The following CA10 variants were observed in gnomAD, a reference collection of about 807,000 sequenced individuals.
CA10 encodes carbonic anhydrase 10 (inactive).
A neutral mutation model predicts 44.2 loss-of-function variants in CA10; 14 were observed. The ratio of observed to expected loss-of-function variants is 0.32; its 90% confidence interval spans 0.21 to 0.50. The LOEUF (loss-of-function observed/expected upper bound fraction) is 0.50, where lower values mean the gene tolerates loss of function less well. CA10 is among the 20% of genes least tolerant of loss of function. The probability of loss-of-function intolerance (pLI) is 0.99; values close to 1 mark genes in which losing one functional copy is unlikely to be tolerated. For missense variants in CA10, 350 were observed against 409.7 expected, an observed-to-expected ratio of 0.85 and a Z score of 1.26; for synonymous variants, 159 against 141.6, an observed-to-expected ratio of 1.12 and a Z score of -0.87.
At chr17:52,141,104 G>T (rs968743487) in intron 1 of CA10, among the ~76,000 whole-genome samples, 2 of 152,156 alleles carry the variant, frequency 1.3e-5, no homozygotes, top group African/African-American at 4.8e-5. Flanking sequence ...TACTCAGAAA[G>T]CTTGCTCCTT....
intron 1 of CA10, among the ~76,000 whole-genome samples, chr17:52,103,850 C>T (rs893275759): frequency 6.6e-6 from 1 of 152,188 alleles, no homozygotes; most frequent in Non-Finnish European, 1.5e-5. Flanking sequence ...GATGACATGA[C>T]TTCACACTGG....
chr17:51,897,117 T>C (rs1288882406), intron 3 of CA10, among the ~76,000 whole-genome samples: 1 of 152,158 alleles, frequency 6.6e-6, no homozygotes, highest in African/African-American at 2.4e-5. Flanking sequence ...CAATTACTTT[T>C]AGTGTTTTCA....
intron 3 of CA10, among the ~76,000 whole-genome samples, chr17:51,899,960 G>A (rs2143928390): frequency 6.9e-6 from 1 of 145,900 alleles, no homozygotes; most frequent in African/African-American, 2.7e-5. Flanking sequence ...CTTGAAGATA[G>A]CATATAGTTG....
intron 1 of CA10, among the ~76,000 whole-genome samples, chr17:52,140,586 A>G (rs1989456795): frequency 6.6e-6 from 1 of 152,220 alleles, no homozygotes. Context: ...GGGCCTTACA[A>G]AGACAAGGCA....
At chr17:51,850,075 G>A (rs938372174) in intron 3 of CA10, among the ~76,000 whole-genome samples, 2 of 152,190 alleles carry the variant, frequency 1.3e-5, no homozygotes, top group Non-Finnish European at 2.9e-5. Flanking sequence ...GCAAATTGGG[G>A]CTGTGTCATG....
chr17:52,052,851 A>G (rs1030963642), intron 2 of CA10, among the ~76,000 whole-genome samples: 2 of 152,040 alleles, frequency 1.3e-5, no homozygotes, highest in Admixed American at 6.6e-5. Context: ...CTAAGTTTGG[A>G]TATGGCATTT....
At chr17:52,003,939 CAAA>C (rs56397346) in intron 2 of CA10, among the ~76,000 whole-genome samples, 2 of 148,168 alleles carry the variant, frequency 1.3e-5, no homozygotes, top group African/African-American at 2.5e-5. Flanking sequence ...AAAACTAAAA[CAAA>C]AAAAAAAAAA....
chr17:51,967,333 GAT>G (rs34446295), intron 2 of CA10, among the ~76,000 whole-genome samples: 226 of 147,378 alleles, frequency 1.5e-3, no homozygotes, highest in African/African-American at 5.3e-3. Flanking sequence ...CATTACTGGA[GAT>G]ATATATATAT....
chr17:51,828,180 AG>A (rs1321478386), intron 3 of CA10, among the ~76,000 whole-genome samples: 2 of 152,162 alleles, frequency 1.3e-5, no homozygotes, highest in African/African-American at 4.8e-5. Context: ...TCTTGTGACT[AG>A]GGAGTTAGGA....
intron 3 of CA10, among the ~76,000 whole-genome samples, chr17:51,862,335 C>T (rs1043418320): frequency 1.3e-5 from 2 of 151,936 alleles, no homozygotes; most frequent in Admixed American, 6.6e-5. Context: ...CTTTAGCAGC[C>T]AGTAACAAGA....
intron 1 of CA10, among the ~76,000 whole-genome samples, 194 bp downstream of exon 1, chr17:52,157,532 C>A (rs931529087): frequency 1.3e-4 from 19 of 144,936 alleles, no homozygotes; most frequent in South Asian, 1.2e-3. Flanking sequence ...CCTAACCACC[C>A]CCCCCCGCAA....
intron 1 of CA10, among the ~76,000 whole-genome samples, chr17:52,121,027 T>C (rs1382624256): frequency 1.3e-5 from 2 of 152,254 alleles, no homozygotes; most frequent in East Asian, 1.9e-4. Context: ...CATATTAACC[T>C]GGATACCTTC....
At chr17:51,811,190 G>GAA (rs35275627) in intron 3 of CA10, among the ~76,000 whole-genome samples, 3 of 125,214 alleles carry the variant, frequency 2.4e-5, no homozygotes, top group Non-Finnish European at 3.4e-5. Context: ...ACTCCATCTC[G>GAA]AAAAAAAAAA....
At chr17:51,872,769 TCA>T (rs1310805142) in intron 3 of CA10, among the ~76,000 whole-genome samples, 1 of 152,198 alleles carries the variant, frequency 6.6e-6, no homozygotes, top group Admixed American at 6.5e-5. Flanking sequence ...AGAATTTATA[TCA>T]CAGAGACTGG....
At chr17:51,813,897 A>T (rs1382437971) in intron 3 of CA10, among the ~76,000 whole-genome samples, 1 of 152,124 alleles carries the variant, frequency 6.6e-6, no homozygotes, top group Non-Finnish European at 1.5e-5. Flanking sequence ...TAAATCTAGC[A>T]CTCTTTCTTC....
At chr17:52,002,521 T>C (rs767112569) in intron 2 of CA10, among the ~76,000 whole-genome samples, 10 of 151,998 alleles carry the variant, frequency 6.6e-5, no homozygotes, top group Non-Finnish European at 1.2e-4. Flanking sequence ...GTCCAATGTC[T>C]AAACCAATGG....
chr17:52,151,634 TA>T (rs1989704585), intron 1 of CA10, among the ~76,000 whole-genome samples: 2 of 152,146 alleles, frequency 1.3e-5, no homozygotes, highest in African/African-American at 4.8e-5. Flanking sequence ...AATGATTAAA[TA>T]ATTAATTGGC....
At chr17:51,776,845 C>T (rs1905837334) in intron 3 of CA10, among the ~76,000 whole-genome samples, 1 of 152,198 alleles carries the variant, frequency 6.6e-6, no homozygotes, top group Non-Finnish European at 1.5e-5. Flanking sequence ...TGGAGAATCT[C>T]ATCTGTGTAG....
At chr17:51,768,431 A>T (rs1012226543) in intron 3 of CA10, among the ~76,000 whole-genome samples, 2 of 152,234 alleles carry the variant, frequency 1.3e-5, no homozygotes, top group African/African-American at 4.8e-5. Context: ...CCAATAAATA[A>T]GACATTCCAT....
Sources: gnomAD v4.1 joint callset for allele counts (sites outside exome capture counted in the v4.1 genomes callset) on GRCh38, gnomAD v4.1.1 for gene constraint, MANE v1.5 for transcripts, NCBI Gene and HGNC (gene_info 2026-07-23, HGNC 2026-07-21) for gene names.